CIMIP5: variants seen among roughly 807,000 people sequenced by gnomAD.
The protein encoded by CIMIP5 is uncharacterized protein C2orf50.
At chr2:11,142,533 C>T in the CIMIP5 span, among the ~76,000 whole-genome samples, 1 of 152,086 alleles carries the variant, frequency 6.6e-6, no homozygotes, top group Non-Finnish European at 1.5e-5. Flanking sequence ...ATGATAGCAA[C>T]CTGACTACTG....
At chr2:11,144,122 G>A in the CIMIP5 span, 1 of 1,558,300 alleles carries the variant, frequency 6.4e-7, no homozygotes, top group Admixed American at 1.8e-5. Context: ...GAGCAAGGAG[G>A]GCTGGGCTGG....
chr2:11,140,877 G>A, the CIMIP5 span, among the ~76,000 whole-genome samples: 1 of 152,094 alleles, frequency 6.6e-6, no homozygotes, highest in African/African-American at 2.4e-5. Context: ...GCCCGAGAAG[G>A]ACAATGAGAT....
At chr2:11,149,313 CAA>C in the CIMIP5 span, among the ~76,000 whole-genome samples, 41 of 118,014 alleles carry the variant, frequency 3.5e-4, no homozygotes, top group Admixed American at 9.3e-4. Flanking sequence ...GCACTCTTGC[CAA>C]AAAAAAAAAA....
At chr2:11,133,647 G>A in the CIMIP5 span, 86 of 1,544,588 alleles carry the variant, frequency 5.6e-5, no homozygotes, top group Non-Finnish European at 7.4e-5. Context: ...TGCAAGTTGG[G>A]GAAGGTTTTG....
At chr2:11,138,160 A>G in the CIMIP5 span, among the ~76,000 whole-genome samples, 14 of 152,230 alleles carry the variant, frequency 9.2e-5, no homozygotes, top group Non-Finnish European at 1.5e-4. Context: ...TTTTAAAGGA[A>G]TGTTTATTAT....
chr2:11,153,982 T>G, the CIMIP5 span, among the ~76,000 whole-genome samples: 4 of 151,996 alleles, frequency 2.6e-5, no homozygotes, highest in African/African-American at 7.2e-5. Flanking sequence ...ATACATATTA[T>G]TTATTTATTT....
At chr2:11,143,252 C>T in the CIMIP5 span, among the ~76,000 whole-genome samples, 11 of 152,192 alleles carry the variant, frequency 7.2e-5, no homozygotes, top group African/African-American at 2.2e-4. Flanking sequence ...AATGAATGAA[C>T]GGCAGCCACA....
At chr2:11,140,243 C>T in the CIMIP5 span, among the ~76,000 whole-genome samples, 31 of 151,682 alleles carry the variant, frequency 2.0e-4, no homozygotes, top group Non-Finnish European at 3.7e-4. Context: ...GGCGCGGTGG[C>T]GGGTGCCTGT....
At chr2:11,143,781 G>A in the CIMIP5 span, 45 of 694,460 alleles carry the variant, frequency 6.5e-5, no homozygotes, top group African/African-American at 7.9e-4. Flanking sequence ...ACTCTTGGGG[G>A]ATCCCAAGTC....
chr2:11,144,157 G>A, the CIMIP5 span: 6 of 1,494,934 alleles, frequency 4.0e-6, no homozygotes, highest in Admixed American at 2.2e-5. Flanking sequence ...GTGTGGGTGG[G>A]GACAAGAGAC....
chr2:11,151,057 T>G, the CIMIP5 span, among the ~76,000 whole-genome samples: 3 of 152,202 alleles, frequency 2.0e-5, no homozygotes, highest in East Asian at 1.9e-4. Context: ...GAAGATTCAC[T>G]GAGCCAGACT....
the CIMIP5 span, among the ~76,000 whole-genome samples, chr2:11,138,559 G>C: frequency 6.8e-6 from 1 of 147,436 alleles, no homozygotes; most frequent in East Asian, 2.0e-4. Context: ...GTGTGGATCT[G>C]TGTCCCCACC....
chr2:11,154,140 C>A, the CIMIP5 span, among the ~76,000 whole-genome samples: 1 of 151,984 alleles, frequency 6.6e-6, no homozygotes, highest in Non-Finnish European at 1.5e-5. Flanking sequence ...CCACGCTCGG[C>A]TAATTTTTGT....
At chr2:11,138,377 A>G in the CIMIP5 span, among the ~76,000 whole-genome samples, 3 of 152,232 alleles carry the variant, frequency 2.0e-5, no homozygotes, top group African/African-American at 7.2e-5. Flanking sequence ...GATAACATTT[A>G]CATAATCATA....
the CIMIP5 span, among the ~76,000 whole-genome samples, chr2:11,135,359 A>G: frequency 1.3e-5 from 2 of 152,080 alleles, no homozygotes; most frequent in African/African-American, 4.8e-5. Flanking sequence ...GCTGGCCAAC[A>G]CTCATTGATT....
the CIMIP5 span, among the ~76,000 whole-genome samples, chr2:11,139,425 G>C: frequency 6.6e-6 from 1 of 152,110 alleles, no homozygotes; most frequent in African/African-American, 2.4e-5. Flanking sequence ...ATTATGTTTT[G>C]TAGAATTGTT....
chr2:11,147,235 G>A, the CIMIP5 span, among the ~76,000 whole-genome samples: 2 of 152,144 alleles, frequency 1.3e-5, no homozygotes, highest in Non-Finnish European at 2.9e-5. Context: ...TCTGGTCAGG[G>A]TCTCACAACT....
the CIMIP5 span, among the ~76,000 whole-genome samples, chr2:11,136,136 G>A: frequency 6.6e-6 from 1 of 152,152 alleles, no homozygotes; most frequent in Non-Finnish European, 1.5e-5. Context: ...TGAGTTTGAT[G>A]TAATCCCATC....
the CIMIP5 span, among the ~76,000 whole-genome samples, chr2:11,151,938 GA>G: frequency 6.6e-6 from 1 of 152,374 alleles, no homozygotes; most frequent in African/African-American, 2.4e-5. Context: ...TCCGACTGGG[GA>G]TGGAAGTTTT....
Sources: gnomAD v4.1 joint callset for allele counts (sites outside exome capture counted in the v4.1 genomes callset) on GRCh38, gnomAD v4.1.1 for gene constraint, MANE v1.5 for transcripts, NCBI Gene and HGNC (gene_info 2026-07-23, HGNC 2026-07-21) for gene names.